Variants in DLGAP4 observed in about 807,000 individuals in gnomAD.
DLGAP4 encodes the protein disks large-associated protein 4.
Under a neutral mutation model 86.9 loss-of-function variants are expected in DLGAP4, and 18 were observed. That is an observed-to-expected ratio of 0.21 (90% CI 0.14 to 0.31). DLGAP4 has a LOEUF of 0.31. Among genes scored for constraint, DLGAP4 ranks in the 10% least tolerant of loss-of-function variants. The probability of loss-of-function intolerance (pLI) is 1.00; values close to 1 mark genes in which losing one functional copy is unlikely to be tolerated. For synonymous variants in DLGAP4, 548 were observed against 574.3 expected (o/e 0.95, Z 0.65); for missense variants, 1,085 against 1,362.6 (o/e 0.80, Z 3.21).
At chr20:36,517,899 G>A (rs35036147) in intron 10 of DLGAP4, among the ~76,000 whole-genome samples, 24,798 of 152,068 alleles carry the variant, frequency 0.16, 2,732 homozygotes, top group Middle Eastern at 0.28. Context: ...AGTGTGGGAC[G>A]TTTCCTCTTC....
At chr20:36,396,222 G>T (rs2031944028) in intron 2 of DLGAP4, among the ~76,000 whole-genome samples, 1 of 151,788 alleles carries the variant, frequency 6.6e-6, no homozygotes, top group Non-Finnish European at 1.5e-5. Context: ...CCGCAGAAGT[G>T]CAGTGAGTGG....
intron 1 of DLGAP4, among the ~76,000 whole-genome samples, chr20:36,362,661 C>T (rs2030559083): frequency 6.6e-6 from 1 of 152,218 alleles, no homozygotes; most frequent in African/African-American, 2.4e-5. Context: ...CCAGGTACAG[C>T]GTGTGGCAAT....
intron 1 of DLGAP4, among the ~76,000 whole-genome samples, chr20:36,313,646 T>TA (rs1168487680): frequency 2.6e-5 from 4 of 151,936 alleles, no homozygotes; most frequent in Non-Finnish European, 5.9e-5. Context: ...GGGTTGGAGA[T>TA]AGAGTCAGGG....
rs752647723 is a variant in DLGAP4 at position 36,509,400 on chromosome 20, G to A, written c.2512+8789G>A. On this transcript the variant is annotated intron_variant, in intron 10 of 12. Coordinates refer to ENST00000339266, the MANE Select transcript of DLGAP4 (RefSeq NM_001365621.2). ...AGCCTGGCCAACACAGTGAAACCCC[G>A]TCTCTACTGAAAATACAAAAATTAG... 1.1e-4 allele frequency among the ~76,000 whole-genome samples: 16 copies of A among 152,044 alleles called. No individual in the cohort carries two copies. The East Asian group carries it at 1.5e-3, about 15-fold the overall frequency.
chr20:36,451,241 T>A (rs536620038), intron 7 of DLGAP4, among the ~76,000 whole-genome samples: 1 of 152,332 alleles, frequency 6.6e-6, no homozygotes, highest in East Asian at 1.9e-4. Context: ...TGTTTTTGAG[T>A]CATGCCTCTC....
chr20:36,470,555 TA>T (rs1207870226), intron 7 of DLGAP4, among the ~76,000 whole-genome samples: 1 of 149,878 alleles, frequency 6.7e-6, no homozygotes, highest in East Asian at 1.9e-4. Context: ...TATGTTGGTT[TA>T]AAAAAATTCA....
At chr20:36,421,144 C>CA (rs1435981086) in intron 2 of DLGAP4, among the ~76,000 whole-genome samples, 2 of 151,102 alleles carry the variant, frequency 1.3e-5, no homozygotes, top group African/African-American at 4.9e-5. Context: ...GACCCTATTT[C>CA]AAAAAATAAT....
rs1407834995 is a variant in DLGAP4 at position 36,508,437 on chromosome 20, T to C, written c.2512+7826T>C. Reference sequence around the variant, plus strand: ...TTTCAGGGTTCTTTTTTTTTTTTTTTTTTTTTTTGAGATGGAGTTTCTCTC... The same window carrying C: ...TTTCAGGGTTCTTTTTTTTTTTTTTCTTTTTTTTGAGATGGAGTTTCTCTC... On this transcript the variant is annotated intron_variant, in intron 10 of 12. Transcript: ENST00000339266. Among the ~76,000 whole-genome samples, 64 of 147,166 alleles carry C rather than the reference T, an allele frequency of 4.3e-4. 1 individual carries two copies. The highest frequency in any genetic ancestry group is 1.5e-4 in the Non-Finnish European group (10 of 66,770).
intron 7 of DLGAP4, among the ~76,000 whole-genome samples, chr20:36,448,565 C>G (rs1464658869): frequency 6.6e-6 from 1 of 152,156 alleles, no homozygotes; most frequent in Non-Finnish European, 1.5e-5. Context: ...CAGGGACTTT[C>G]TTGTGGTAGA....
Position 36,496,766 on chromosome 20 carries a change from A to G in DLGAP4, c.1710A>G (p.Ser570=), listed in dbSNP as rs765481858. ...CACCGGTCCCTCCACGCACCACTTC[A>G]AAGCCGTTCATCTCAGTCACAGTCC... ...TPPPVPPRTT[S]KPFISVTVQS... is the part of the protein sequence containing the mutation. Residue 570 remains serine, a synonymous_variant, in exon 8 of 13, where the codon TCA becomes TCG. Transcript: ENST00000339266. 2 of 1,613,958 alleles carry G rather than the reference A, an allele frequency of 1.2e-6. No individual in the cohort carries two copies. The highest frequency in any genetic ancestry group is 1.7e-6 in the Non-Finnish European group (2 of 1,179,838).
intron 6 of DLGAP4, among the ~76,000 whole-genome samples, chr20:36,443,381 C>T (rs566317798): frequency 6.6e-6 from 1 of 152,138 alleles, no homozygotes; most frequent in South Asian, 2.1e-4. Context: ...AGACCAAAAA[C>T]CAGGGGCAGG....
chr20:36,341,001 C>G (rs1342065505), intron 1 of DLGAP4, among the ~76,000 whole-genome samples: 1 of 152,212 alleles, frequency 6.6e-6, no homozygotes, highest in African/African-American at 2.4e-5. Flanking sequence ...CTGGAACAAA[C>G]TGGGCCTGCT....
At chr20:36,426,479 C>CA (rs1215671393) in intron 2 of DLGAP4, among the ~76,000 whole-genome samples, 1 of 152,000 alleles carries the variant, frequency 6.6e-6, no homozygotes, top group Non-Finnish European at 1.5e-5. Context: ...CGCACCACCG[C>CA]ACTCCAGCCT....
chr20:36,461,676 C>CGG, intron 7 of DLGAP4: 2 of 167,734 alleles, frequency 1.2e-5, no homozygotes, highest in Non-Finnish European at 2.1e-5. Context: ...CGGCCCGGCC[C>CGG]GGCCCTGCCC....
chr20:36,494,983 G>T (rs1465298127), intron 7 of DLGAP4, among the ~76,000 whole-genome samples: 1 of 111,830 alleles, frequency 8.9e-6, no homozygotes. Context: ...TTTTTTGTTC[G>T]GTTTTTTTTT....
At chr20:36,360,791 G>A (rs557350243) in intron 1 of DLGAP4, among the ~76,000 whole-genome samples, 1 of 152,122 alleles carries the variant, frequency 6.6e-6, no homozygotes, top group African/African-American at 2.4e-5. Context: ...GAGGGGTCTA[G>A]GGTGATGCCT....
At chr20:36,403,614 C>A (rs574405031) in intron 2 of DLGAP4, among the ~76,000 whole-genome samples, 18 of 152,378 alleles carry the variant, frequency 1.2e-4, no homozygotes, top group Middle Eastern at 3.4e-3. Context: ...TGGAAGTATA[C>A]AAGCAAACTC....
In DLGAP4 at chr20:36,431,631, G is replaced by C; in HGVS notation, c.-72-15G>C. ...CCAGCTGACCAGCTGACCGCTTTCT[G>C]TCTTCTCTCCCTAGGATAGCTGCCG... On this transcript the variant is annotated splice_polypyrimidine_tract_variant and intron_variant, in intron 2 of 12. Transcript: ENST00000339266. This position sits in a 1 kb window ranked among gnomAD's most constrained non-coding sequence, Gnocchi z 5.1. 1 of 1,451,548 alleles carries C rather than the reference G, an allele frequency of 6.9e-7. No individual in the cohort carries two copies. The highest frequency in any genetic ancestry group is 2.4e-5 in the East Asian group (1 of 41,952). 89.9% of individuals were successfully genotyped at this position (1,451,548 alleles called of 1,614,324 possible).
Position 36,374,991 on chromosome 20 carries a change from A to T in DLGAP4, c.-73+7716A>T, listed in dbSNP as rs1385750743. 3.3e-5 allele frequency among the ~76,000 whole-genome samples: 5 copies of T among 152,366 alleles called. No homozygotes were observed. The East Asian group carries it at 9.6e-4, about 29-fold the overall frequency. ...GCAGAGAGAGTCCCATTACCTTGAC[A>T]GTAGAGGAAGTGTTTAGGCCTTTAG... is the stretch of plus-strand genomic sequence containing the variant. On this transcript the variant is annotated intron_variant, in intron 2 of 12. Coordinates refer to ENST00000339266, the MANE Select transcript of DLGAP4 (RefSeq NM_001365621.2).
Sources: allele counts gnomAD v4.1 joint callset (sites outside exome capture counted in the v4.1 genomes callset), GRCh38; gene constraint gnomAD v4.1.1; non-coding constraint Gnocchi (gnomAD v3.1); transcripts MANE v1.5; gene names NCBI Gene and HGNC (gene_info 2026-07-23, HGNC 2026-07-21).